The following FGGY variants were observed in gnomAD, a reference collection of about 807,000 sequenced individuals.
FGGY encodes FGGY carbohydrate kinase domain containing, also known as FGGY carbohydrate kinase domain-containing protein.
Under a neutral mutation model 71.3 loss-of-function variants are expected in FGGY, and 72 were observed. That is an observed-to-expected ratio of 1.01 (90% CI 0.84 to 1.23). FGGY has a LOEUF of 1.23. Ranked by LOEUF, FGGY falls within the 50% of genes most tolerant of loss-of-function variation. The pLI is 0.00. For synonymous variants in FGGY, 251 were observed against 250.3 expected (o/e 1.00, Z -0.02); for missense variants, 668 against 682.3 (o/e 0.98, Z 0.23).
In FGGY at chr1:59,581,107, G is replaced by T. The variant is rs770965252; in HGVS notation, c.904-26696G>T. On this transcript the variant is annotated intron_variant, in intron 8 of 15. Transcript: ENST00000303721. ...ATGCTTTGGGGGAGAAGACCAATCA[G>T]TCATCTTAGTGCTGCACCTCCATAG... 2.2e-5 allele frequency among the ~76,000 whole-genome samples: 3 copies of T among 137,052 alleles called. 1 individual carries two copies. The highest frequency in any genetic ancestry group is 6.5e-5 in the African/African-American group (2 of 30,948). The allele number at this position is 137,052 out of a possible 152,430, so 89.9% of individuals were successfully genotyped here.
intron 6 of FGGY, among the ~76,000 whole-genome samples, chr1:59,462,756 A>T (rs9729701): frequency 6.6e-6 from 1 of 151,888 alleles, no homozygotes; most frequent in East Asian, 1.9e-4. Flanking sequence ...AACCACAATG[A>T]GATACCATCT....
intron 6 of FGGY, among the ~76,000 whole-genome samples, chr1:59,470,660 G>T (rs572099460): frequency 6.6e-6 from 1 of 152,180 alleles, no homozygotes; most frequent in South Asian, 2.1e-4. Flanking sequence ...AACCATAGAG[G>T]TTTCCACCAA....
intron 2 of FGGY, among the ~76,000 whole-genome samples, chr1:59,329,793 A>G (rs1438651417): frequency 2.0e-5 from 3 of 152,248 alleles, no homozygotes; most frequent in Non-Finnish European, 4.4e-5. Context: ...TGCCATTTAA[A>G]TTTATAGTAA....
At chr1:59,647,795 T>C (rs1162187202) in intron 11 of FGGY, among the ~76,000 whole-genome samples, 3 of 140,628 alleles carry the variant, frequency 2.1e-5, no homozygotes, top group African/African-American at 8.1e-5. Context: ...ATGTGCACAT[T>C]GTGCAGGTTA....
At chr1:59,702,600 G>A (rs2097718773) in intron 14 of FGGY, among the ~76,000 whole-genome samples, 2 of 152,196 alleles carry the variant, frequency 1.3e-5, no homozygotes, top group Non-Finnish European at 2.9e-5. Flanking sequence ...GGCTGTTAAT[G>A]TGGTCTAGAT....
chr1:59,686,437 A>G (rs2097544922), intron 14 of FGGY, among the ~76,000 whole-genome samples: 1 of 152,224 alleles, frequency 6.6e-6, no homozygotes, highest in African/African-American at 2.4e-5. Context: ...TGGCATCCTC[A>G]TAGCAAAAAT....
At chr1:59,405,584 G>A (rs1011118413) in intron 5 of FGGY, among the ~76,000 whole-genome samples, 1 of 152,112 alleles carries the variant, frequency 6.6e-6, no homozygotes, top group African/African-American at 2.4e-5. Context: ...AGTAAACATC[G>A]AATGAGCATA....
At chr1:59,361,370 G>A (rs1258763511) in intron 4 of FGGY, among the ~76,000 whole-genome samples, 1 of 152,144 alleles carries the variant, frequency 6.6e-6, no homozygotes, top group African/African-American at 2.4e-5. Context: ...GGTTACTCTA[G>A]AAATACAGCC....
chr1:59,340,857 T>C (rs1300420719), intron 3 of FGGY, among the ~76,000 whole-genome samples: 3 of 152,188 alleles, frequency 2.0e-5, no homozygotes, highest in Non-Finnish European at 4.4e-5. Context: ...AACTGATATT[T>C]AACCTTGTAA....
intron 10 of FGGY, among the ~76,000 whole-genome samples, chr1:59,628,551 T>C (rs2096880027): frequency 6.6e-6 from 1 of 152,208 alleles, no homozygotes; most frequent in African/African-American, 2.4e-5. Flanking sequence ...AATAGTATTG[T>C]TATTTATGGC....
chr1:59,488,626 C>T (rs2093729303), intron 6 of FGGY, among the ~76,000 whole-genome samples: 1 of 150,034 alleles, frequency 6.7e-6, no homozygotes, highest in South Asian at 2.1e-4. Flanking sequence ...CATTACTTTA[C>T]ACAATTGAAA....
chr1:59,626,116 G>A, intron 10 of FGGY, 67 bp downstream of exon 10: 1 of 1,344,492 alleles, frequency 7.4e-7, no homozygotes, highest in Non-Finnish European at 1.1e-6. Context: ...TTCACGTTGG[G>A]CAGTTGGGTG....
At chr1:59,421,565 TC>T (rs766395398) in intron 5 of FGGY, among the ~76,000 whole-genome samples, 2 of 143,630 alleles carry the variant, frequency 1.4e-5, no homozygotes, top group Non-Finnish European at 3.0e-5. Flanking sequence ...CCTCCCCTCC[TC>T]CTTCCCCTCC....
At position 59,321,796 on chromosome 1, in the gene FGGY, C is replaced by T. The variant is rs759506495; in HGVS notation, c.201+46C>T. ...CTCTCCTTGTTCATATTCCTACCTG[C>T]TGAGTGTCGTGTGTCAATCTGGTGC... is the stretch of plus-strand genomic sequence containing the variant. On this transcript the variant is annotated intron_variant, in intron 2 of 15. Transcript: ENST00000303721. The T allele has an allele frequency of 1.1e-5, 17 of 1,556,772 alleles. 1 individual carries two copies. The highest frequency in any genetic ancestry group is 1.4e-5 in the Non-Finnish European group (16 of 1,144,082).
chr1:59,652,717 A>G (rs2153939175), intron 11 of FGGY, among the ~76,000 whole-genome samples: 1 of 150,154 alleles, frequency 6.7e-6, no homozygotes, highest in East Asian at 2.0e-4. Context: ...CGTAGCTCAG[A>G]GTAATTTGAT....
intron 8 of FGGY, among the ~76,000 whole-genome samples, chr1:59,586,986 C>G (rs1010842775): frequency 1.6e-4 from 25 of 152,328 alleles, no homozygotes; most frequent in Admixed American, 5.9e-4. Flanking sequence ...TGAAGCAGGG[C>G]AAGGCATTGC....
chr1:59,673,055 T>G (rs897926947), intron 13 of FGGY, among the ~76,000 whole-genome samples: 2 of 152,156 alleles, frequency 1.3e-5, no homozygotes, highest in African/African-American at 4.8e-5. Context: ...CATCATTCAG[T>G]CACTTACCAT....
At chr1:59,348,787 T>C (rs2052648122) in intron 4 of FGGY, among the ~76,000 whole-genome samples, 1 of 152,188 alleles carries the variant, frequency 6.6e-6, no homozygotes, top group African/African-American at 2.4e-5. Context: ...TGAGCTGTTT[T>C]GTAAGTTTTA....
chr1:59,449,760 G>A (rs1270283029), intron 5 of FGGY, among the ~76,000 whole-genome samples: 2 of 151,918 alleles, frequency 1.3e-5, no homozygotes, highest in Admixed American at 1.3e-4. Context: ...GCCAGCAGAT[G>A]GAGACCAGCC....
Sources: gnomAD v4.1 joint callset for allele counts (sites outside exome capture counted in the v4.1 genomes callset) on GRCh38, gnomAD v4.1.1 for gene constraint, MANE v1.5 for transcripts, NCBI Gene and HGNC (gene_info 2026-07-23, HGNC 2026-07-21) for gene names.